MAPK10: variants seen among roughly 807,000 people sequenced by gnomAD.
MAPK10 encodes the protein mitogen-activated protein kinase 10, also known as JNK3 alpha protein kinase.
Under a neutral mutation model 59.3 loss-of-function variants are expected in MAPK10, and 25 were observed. The ratio of observed to expected loss-of-function variants is 0.42; its 90% confidence interval spans 0.31 to 0.59. The LOEUF (loss-of-function observed/expected upper bound fraction) is 0.59, where lower values mean the gene tolerates loss of function less well. Ranked by LOEUF, MAPK10 falls within the 20% of genes least tolerant of loss-of-function variation. The pLI is 0.15. For missense variants in MAPK10, 351 were observed against 568.9 expected, an observed-to-expected ratio of 0.62 and a Z score of 3.90; for synonymous variants, 190 against 200.5, an observed-to-expected ratio of 0.95 and a Z score of 0.44.
chr4:86,459,791 A>C (rs1279426682), intron 1 of MAPK10, among the ~76,000 whole-genome samples: 1 of 152,148 alleles, frequency 6.6e-6, no homozygotes, highest in African/African-American at 2.4e-5. Flanking sequence ...GGTGAGGGAT[A>C]AAAGATCACA....
intron 4 of MAPK10, among the ~76,000 whole-genome samples, chr4:86,139,375 G>A (rs1328128256): frequency 1.3e-5 from 2 of 150,708 alleles, no homozygotes; most frequent in Admixed American, 6.6e-5. Context: ...CAGAAATAAC[G>A]CCGCATATCT....
chr4:86,292,356 A>C (rs1202789628), intron 2 of MAPK10, among the ~76,000 whole-genome samples: 1 of 152,190 alleles, frequency 6.6e-6, no homozygotes, highest in East Asian at 1.9e-4. Context: ...TCCTTCTGTC[A>C]ACAATGTGTA....
intron 2 of MAPK10, among the ~76,000 whole-genome samples, chr4:86,233,513 A>G (rs980843405): frequency 2.6e-5 from 4 of 152,182 alleles, no homozygotes; most frequent in Admixed American, 2.6e-4. Flanking sequence ...GCTTCCTTTG[A>G]AAGCTAACCC....
At chr4:86,471,255 C>G (rs1752634189) in intron 1 of MAPK10, among the ~76,000 whole-genome samples, 1 of 117,680 alleles carries the variant, frequency 8.5e-6, no homozygotes, top group Non-Finnish European at 1.6e-5. Context: ...AGCGACACAG[C>G]AAGACTCTGT....
rs560405017 is a variant in MAPK10, at chr4:86,040,493, G to A, written c.1111-9062C>T. The stretch of plus-strand genomic sequence containing the variant: ...AATAGAGAAAGTTTATGTGATTTAT[G>A]GGAGAGCATCAAAAGAGCACATTTT... On this transcript the variant is annotated intron_variant, in intron 11 of 13. Transcript: ENST00000641462. Among the ~76,000 whole-genome samples the A allele has an allele frequency of 4.6e-5, 7 of 152,238 alleles. No homozygotes were observed. The South Asian group carries it at 1.5e-3, about 32-fold the overall frequency.
intron 4 of MAPK10, among the ~76,000 whole-genome samples, chr4:86,114,980 G>A (rs1468918386): frequency 6.6e-6 from 1 of 152,212 alleles, no homozygotes; most frequent in African/African-American, 2.4e-5. Context: ...TGCTGCTATG[G>A]GAAATTCCTC....
Position 86,365,431 on chromosome 4 carries a change from C to CAAAAAAAAAAAAAAAAAAAAAAAAAA in MAPK10, c.-121-10813_-121-10788dup, listed in dbSNP as rs70948789. 1.5e-4 allele frequency among the ~76,000 whole-genome samples: 5 copies of CAAAAAAAAAAAAAAAAAAAAAAAAAA among 32,448 alleles called. 1 individual carries two copies. Among genetic ancestry groups the CAAAAAAAAAAAAAAAAAAAAAAAAAA allele is most frequent in the Non-Finnish European group, 2.6e-4 (5 of 19,194 alleles). The allele number at this position is 32,448 out of a possible 152,430, so 21.3% of individuals were successfully genotyped here. A position where few individuals can be genotyped will look rare whatever the true frequency, so the allele number is the denominator to read the frequency against. ...TGGGCAACAGGGTGAGACTCTGTCT[C>CAAAAAAAAAAAAAAAAAAAAAAAAAA]AAAAAAAAAAAAAAAAAAAAAAAAA... On this transcript the variant is annotated intron_variant, in intron 1 of 13. Transcript: ENST00000361569.
At chr4:86,354,492 T>C in intron 2 of MAPK10, 38 bp downstream of exon 2, 1 of 956,050 alleles carries the variant, frequency 1.0e-6, no homozygotes, top group Non-Finnish European at 1.4e-6. Context: ...TAGATCCTAG[T>C]TTTCATGCTA....
chr4:86,162,751 G>A (rs2070239994), intron 3 of MAPK10, among the ~76,000 whole-genome samples: 1 of 151,986 alleles, frequency 6.6e-6, no homozygotes, highest in African/African-American at 2.4e-5. Context: ...ACTACTAGAA[G>A]CCAAGTTACA....
intron 4 of MAPK10, among the ~76,000 whole-genome samples, chr4:86,109,808 A>G (rs1265206995): frequency 2.6e-5 from 4 of 152,210 alleles, no homozygotes; most frequent in Non-Finnish European, 5.9e-5. Flanking sequence ...GAGGAATGCC[A>G]TACTGTCTTC....
chr4:86,506,351 T>A (rs1230682085), intron 1 of MAPK10, among the ~76,000 whole-genome samples: 2 of 152,156 alleles, frequency 1.3e-5, no homozygotes, highest in Non-Finnish European at 2.9e-5. Context: ...GTTTTGAAAG[T>A]CAGAGGGTCT....
intron 1 of MAPK10, among the ~76,000 whole-genome samples, chr4:86,503,926 C>CT (rs1425641829): frequency 6.6e-6 from 1 of 152,100 alleles, no homozygotes; most frequent in Non-Finnish European, 1.5e-5. Context: ...AGCAAACATG[C>CT]TCCCACCTCT....
At chr4:86,352,646 T>C (rs1732164102) in intron 2 of MAPK10, among the ~76,000 whole-genome samples, 1 of 152,188 alleles carries the variant, frequency 6.6e-6, no homozygotes, top group Non-Finnish European at 1.5e-5. Context: ...ACATAGGGGT[T>C]TGCTGGGAGT....
At chr4:86,025,874 A>G (rs1212990396) in intron 13 of MAPK10, among the ~76,000 whole-genome samples, 3 of 152,198 alleles carry the variant, frequency 2.0e-5, no homozygotes, top group Admixed American at 6.5e-5. Context: ...ATAACCCCCA[A>G]TCCCAACAAC....
intron 2 of MAPK10, among the ~76,000 whole-genome samples, chr4:86,221,148 G>T (rs116803455): frequency 2.0e-5 from 3 of 152,160 alleles, no homozygotes; most frequent in Non-Finnish European, 4.4e-5. Flanking sequence ...TTAAAATTCA[G>T]TGTGAAGCTA....
chr4:86,265,036 G>T (rs1583721764), intron 2 of MAPK10, among the ~76,000 whole-genome samples: 1 of 151,628 alleles, frequency 6.6e-6, no homozygotes, highest in Non-Finnish European at 1.5e-5. Context: ...GATTACAGGT[G>T]TGTGCTACGA....
upstream of MAPK10, chr4:86,360,322 C>A: frequency 2.7e-6 from 1 of 366,426 alleles, no homozygotes; most frequent in Non-Finnish European, 3.8e-6. Context: ...AAGAAAAGAT[C>A]CATTCGATGC....
At chr4:86,255,015 G>T (rs2093643604) in intron 2 of MAPK10, among the ~76,000 whole-genome samples, 1 of 151,920 alleles carries the variant, frequency 6.6e-6, no homozygotes, top group Non-Finnish European at 1.5e-5. Context: ...CTAATCTGCT[G>T]AATCAGAGTA....
chr4:86,181,572 T>A (rs2076942012), intron 3 of MAPK10, among the ~76,000 whole-genome samples: 1 of 152,106 alleles, frequency 6.6e-6, no homozygotes, highest in Non-Finnish European at 1.5e-5. Flanking sequence ...TATGAGGATG[T>A]TGAAAAATTG....
Sources: allele counts gnomAD v4.1 joint callset (sites outside exome capture counted in the v4.1 genomes callset), GRCh38; gene constraint gnomAD v4.1.1; transcripts MANE v1.5; gene names NCBI Gene and HGNC (gene_info 2026-07-23, HGNC 2026-07-21).